Variants in ST6GALNAC3 observed in about 807,000 individuals in gnomAD.
The protein encoded by ST6GALNAC3 is ST6 N-acetylgalactosaminide alpha-2,6-sialyltransferase 3.
In ST6GALNAC3, 25 loss-of-function variants were observed where a neutral mutation model predicts 32.7. That is an observed-to-expected ratio of 0.76 (90% confidence interval 0.56 to 1.07). ST6GALNAC3 has a LOEUF of 1.07. Ranked by LOEUF, ST6GALNAC3 falls within the 50% of genes least tolerant of loss-of-function variation. ST6GALNAC3 has a pLI of 0.00. For missense variants in ST6GALNAC3, 355 were observed against 382.4 expected (o/e 0.93, Z 0.60); for synonymous variants, 129 against 133.1 (o/e 0.97, Z 0.21).
intron 3 of ST6GALNAC3, among the ~76,000 whole-genome samples, chr1:76,528,933 G>A (rs556962831): frequency 6.7e-6 from 1 of 150,356 alleles, no homozygotes; most frequent in Non-Finnish European, 1.5e-5. Context: ...GTGAAAAGTA[G>A]AAATAGCAGT....
intron 3 of ST6GALNAC3, among the ~76,000 whole-genome samples, chr1:76,506,609 T>C (rs531814897): frequency 5.2e-4 from 79 of 152,378 alleles, no homozygotes; most frequent in African/African-American, 1.9e-3. Context: ...TATATCGACA[T>C]GCTTTTCTTT....
chr1:76,424,794 A>C (rs1267703827), intron 3 of ST6GALNAC3, among the ~76,000 whole-genome samples: 1 of 151,952 alleles, frequency 6.6e-6, no homozygotes, highest in Non-Finnish European at 1.5e-5. Flanking sequence ...ATGCAAGGCA[A>C]GTTTGGGCAA....
rs1652592580 is a variant in ST6GALNAC3, at chr1:76,172,577, T to C, written c.18+97693T>C. Among the ~76,000 whole-genome samples, 3 of 118,836 alleles carry C rather than the reference T, an allele frequency of 2.5e-5. No homozygotes were observed. The South Asian group carries it at 1.1e-3, about 42-fold the overall frequency. The allele number at this position is 118,836 out of a possible 152,430, so 78.0% of individuals were successfully genotyped here. ...TATTTACAGATGACAAGATTTTATA[T>C]TTAAAAACCCCATCACCTCAGCCCA... On this transcript the variant is annotated intron_variant, in intron 1 of 4. Transcript: ENST00000328299.
At chr1:76,450,593 G>A (rs1227296546) in intron 3 of ST6GALNAC3, among the ~76,000 whole-genome samples, 1 of 151,986 alleles carries the variant, frequency 6.6e-6, no homozygotes, top group Non-Finnish European at 1.5e-5. Context: ...TTGTTTTGTT[G>A]CATTTACTTT....
intron 2 of ST6GALNAC3, among the ~76,000 whole-genome samples, chr1:76,360,540 C>T (rs1649846721): frequency 6.6e-6 from 1 of 152,120 alleles, no homozygotes; most frequent in Non-Finnish European, 1.5e-5. Flanking sequence ...CTATGTTATG[C>T]AATATATTAA....
intron 1 of ST6GALNAC3, among the ~76,000 whole-genome samples, chr1:76,204,149 T>C (rs1029776176): frequency 1.3e-5 from 2 of 152,166 alleles, no homozygotes; most frequent in African/African-American, 4.8e-5. Context: ...GAACATGCAA[T>C]TGTTGTCTTT....
chr1:76,292,957 C>A (rs9437410), intron 1 of ST6GALNAC3, among the ~76,000 whole-genome samples: 126,097 of 152,106 alleles, frequency 0.83, 52,497 homozygotes, highest in African/African-American at 0.9. Flanking sequence ...TCCCTCTTCC[C>A]TGTGAGTATT....
At chr1:76,455,899 T>C (rs1416221969) in intron 3 of ST6GALNAC3, among the ~76,000 whole-genome samples, 1 of 152,190 alleles carries the variant, frequency 6.6e-6, no homozygotes, top group Admixed American at 6.6e-5. Context: ...GTAAAAATAC[T>C]TTATGGCTGG....
intron 1 of ST6GALNAC3, among the ~76,000 whole-genome samples, chr1:76,230,689 A>C (rs1220374170): frequency 6.6e-6 from 1 of 152,170 alleles, no homozygotes; most frequent in Non-Finnish European, 1.5e-5. Flanking sequence ...TGAAATATAG[A>C]CTCCTGTTAG....
At chr1:76,534,434 C>T (rs1338476187) in intron 3 of ST6GALNAC3, among the ~76,000 whole-genome samples, 2 of 152,178 alleles carry the variant, frequency 1.3e-5, no homozygotes, top group Non-Finnish European at 2.9e-5. Context: ...ATAATGTACA[C>T]ATCGAGATCC....
At chr1:76,361,923 C>T (rs542519195) in intron 2 of ST6GALNAC3, among the ~76,000 whole-genome samples, 10 of 147,856 alleles carry the variant, frequency 6.8e-5, no homozygotes, top group African/African-American at 1.8e-4. Context: ...GGTTGCAGTG[C>T]GCTGAGATCA....
At position 76,257,281 on chromosome 1, in the gene ST6GALNAC3, T is replaced by A. The variant is rs56219151; in HGVS notation, c.19-56524T>A. The stretch of plus-strand genomic sequence containing the variant: ...TTTCTTAATTTAAACAAATTCATTT[T>A]ATAGGAATTACATTGCTGAGAATTC... On this transcript the variant is annotated intron_variant, in intron 1 of 4. Transcript: ENST00000328299. Among the ~76,000 whole-genome samples the A allele has an allele frequency of 8.1e-3, 1,234 of 152,250 alleles. 4 individuals are homozygous for A. Among genetic ancestry groups the A allele is most frequent in the South Asian group, 0.035 (171 of 4,826 alleles).
chr1:76,310,351 A>C (rs1439835846), intron 1 of ST6GALNAC3, among the ~76,000 whole-genome samples: 1 of 152,150 alleles, frequency 6.6e-6, no homozygotes, highest in African/African-American at 2.4e-5. Flanking sequence ...CAGAGGAGCA[A>C]ATTAAAACAG....
chr1:76,471,181 G>A (rs868156549), intron 3 of ST6GALNAC3, among the ~76,000 whole-genome samples: 2 of 152,024 alleles, frequency 1.3e-5, no homozygotes, highest in South Asian at 2.1e-4. Flanking sequence ...GGATTTTCCT[G>A]CCTCTGTGAG....
At chr1:76,530,276 A>C (rs1192218330) in intron 3 of ST6GALNAC3, among the ~76,000 whole-genome samples, 3 of 152,156 alleles carry the variant, frequency 2.0e-5, no homozygotes, top group African/African-American at 7.2e-5. Flanking sequence ...AAAACTTCAT[A>C]CCTGATTAAT....
At chr1:76,488,436 A>G (rs1299090998) in intron 3 of ST6GALNAC3, among the ~76,000 whole-genome samples, 1 of 152,174 alleles carries the variant, frequency 6.6e-6, no homozygotes, top group East Asian at 1.9e-4. Flanking sequence ...CGATTAAAAC[A>G]CTTCTCTTTA....
At chr1:76,479,832 A>G (rs1403044632) in intron 3 of ST6GALNAC3, among the ~76,000 whole-genome samples, 2 of 152,198 alleles carry the variant, frequency 1.3e-5, no homozygotes, top group Non-Finnish European at 2.9e-5. Flanking sequence ...CAACCTACAC[A>G]TTACAAATTT....
In ST6GALNAC3 at chr1:76,410,081, A is replaced by G. The variant is rs956548414; in HGVS notation, c.214-1927A>G. ...GGCCTCTTTTTTTTATCAACTTTCCACACAGTTGCCAAAGCTGTTAAAATG... is the reference window on the plus strand; with the variant it reads ...GGCCTCTTTTTTTTATCAACTTTCCGCACAGTTGCCAAAGCTGTTAAAATG... On this transcript the variant is annotated intron_variant, in intron 2 of 4. Coordinates refer to ENST00000328299, the MANE Select transcript of ST6GALNAC3 (RefSeq NM_152996.4). Among the ~76,000 whole-genome samples the G allele has an allele frequency of 2.2e-4, 33 of 151,886 alleles. 1 individual carries two copies. Among genetic ancestry groups the G allele is most frequent in the Non-Finnish European group, 4.6e-4 (31 of 67,960 alleles).
chr1:76,510,383 A>C (rs1306162733), intron 3 of ST6GALNAC3, among the ~76,000 whole-genome samples: 1 of 152,170 alleles, frequency 6.6e-6, no homozygotes, highest in African/African-American at 2.4e-5. Flanking sequence ...TAGGAAAAAA[A>C]AAAATGAGAC....
Sources: allele counts gnomAD v4.1 joint callset (sites outside exome capture counted in the v4.1 genomes callset), GRCh38; gene constraint gnomAD v4.1.1; transcripts MANE v1.5; gene names NCBI Gene and HGNC (gene_info 2026-07-23, HGNC 2026-07-21).